The following FRRS1 variants were observed in gnomAD, a reference collection of about 807,000 sequenced individuals.
FRRS1 encodes the protein ferric chelate reductase 1.
Under a neutral mutation model 70.7 loss-of-function variants are expected in FRRS1, and 51 were observed. That is an observed-to-expected ratio of 0.72 (90% CI 0.58 to 0.91). The LOEUF (loss-of-function observed/expected upper bound fraction) is 0.91. Among genes scored for constraint, FRRS1 ranks in the 40% least tolerant of loss-of-function variants. The pLI is 0.00. For missense variants in FRRS1, 672 were observed against 726.0 expected (o/e 0.93, Z 0.86); for synonymous variants, 225 against 238.7 (o/e 0.94, Z 0.53).
intron 5 of FRRS1, among the ~76,000 whole-genome samples, chr1:99,741,340 C>A (rs10875247): frequency 0.16 from 24,772 of 152,248 alleles, 3,247 homozygotes; most frequent in African/African-American, 0.35. Context: ...ATAATAGAGG[C>A]TGCATCAGTA....
chr1:99,738,113 G>A lies in FRRS1; in HGVS notation c.732C>T (p.Ser244=), dbSNP rs1375072535. 2 of 1,613,322 alleles carry A rather than the reference G, an allele frequency of 1.2e-6. No homozygotes were observed. The highest frequency in any genetic ancestry group is 2.2e-5 in the East Asian group (1 of 44,862). ...TCCACTGATCATGAGACAATGCAAA[G>A]GATAAATAGCCTTTACTGGGGCCGC... The part of the protein sequence containing the change: ...EMSGPSKGYL[S]FALSHDQWMG... Residue 244 remains serine (S), a synonymous_variant, in exon 7 of 17, where the codon TCC becomes TCT. Transcript: ENST00000646001.
chr1:99,752,964 A>G (rs1432991079), intron 1 of FRRS1, among the ~76,000 whole-genome samples: 3 of 150,272 alleles, frequency 2.0e-5, no homozygotes, highest in East Asian at 4.0e-4. Flanking sequence ...TATTATCCCA[A>G]CACTTTGAGA....
rs1653963243 is a variant in FRRS1, at chr1:99,704,043, C to T, written c.*4985G>A. Among the ~76,000 whole-genome samples the T allele has an allele frequency of 6.6e-6, 1 of 152,196 alleles. No homozygotes were observed. The highest frequency in any genetic ancestry group is 1.5e-5 in the Non-Finnish European group (1 of 68,000). ...TCAAATATTTTTTATAAAAAGTATA[C>T]ATTTTACATGCAAAATTTATTAAGT... is the stretch of plus-strand genomic sequence containing the variant. On this transcript the variant is annotated 3_prime_UTR_variant, in exon 17 of 17. Coordinates refer to ENST00000646001, the MANE Select transcript of FRRS1 (RefSeq NM_001361041.2).
At chr1:99,712,669 G>A (rs1368820324) in intron 12 of FRRS1, among the ~76,000 whole-genome samples, 154 bp from the exon 13 acceptor site, 1 of 152,152 alleles carries the variant, frequency 6.6e-6, no homozygotes, top group Non-Finnish European at 1.5e-5. Context: ...CATTCACTGA[G>A]TATACACGTT....
At chr1:99,738,393 T>C in intron 6 of FRRS1, 125 bp from the exon 7 acceptor site, 1 of 603,950 alleles carries the variant, frequency 1.7e-6, no homozygotes, top group Non-Finnish European at 2.9e-6. Flanking sequence ...CTTTCCATAA[T>C]AAGCATTCAA....
At chr1:99,724,594 C>G (rs76229671) in intron 9 of FRRS1, among the ~76,000 whole-genome samples, 114 of 152,278 alleles carry the variant, frequency 7.5e-4, no homozygotes, top group African/African-American at 2.5e-3. Context: ...CTTACCAAGT[C>G]TTACTGCTTT....
intron 1 of FRRS1, among the ~76,000 whole-genome samples, chr1:99,763,369 T>A (rs1268615463): frequency 6.6e-6 from 1 of 152,128 alleles, no homozygotes; most frequent in Non-Finnish European, 1.5e-5. Context: ...CTCTGTACAC[T>A]ATGCTCAAAC....
At chr1:99,710,587 A>T (rs1385190381) in intron 15 of FRRS1, among the ~76,000 whole-genome samples, 1 of 152,090 alleles carries the variant, frequency 6.6e-6, no homozygotes, top group Non-Finnish European at 1.5e-5. Flanking sequence ...CCTGCCTAAA[A>T]CCTAAAACCT....
chr1:99,744,797 C>CAAA (rs1553173721), intron 4 of FRRS1, among the ~76,000 whole-genome samples: 1 of 150,050 alleles, frequency 6.7e-6, no homozygotes, highest in Non-Finnish European at 1.5e-5. Context: ...AAAATAATAA[C>CAAA]AATAATAATA....
intron 1 of FRRS1, among the ~76,000 whole-genome samples, chr1:99,750,025 T>C (rs1656494633): frequency 6.6e-6 from 1 of 152,220 alleles, no homozygotes; most frequent in South Asian, 2.1e-4. Flanking sequence ...GAAAAAATTA[T>C]TGTTTTTTAG....
In FRRS1 at chr1:99,712,096, A is replaced by G. The variant is rs1380457215; in HGVS notation, c.1480+9T>C. ...TTATATATGAATAAGTGGCATCACA[A>G]TCTCTTACCTGCTATTATTCTAGCA... On this transcript the variant is annotated intron_variant, in intron 14 of 16. Coordinates refer to ENST00000646001, the MANE Select transcript of FRRS1 (RefSeq NM_001361041.2). 1 of 1,584,984 alleles carries G rather than the reference A, an allele frequency of 6.3e-7. No homozygotes were observed. Among genetic ancestry groups the G allele is most frequent in the Non-Finnish European group, 8.6e-7 (1 of 1,158,408 alleles).
intron 9 of FRRS1, among the ~76,000 whole-genome samples, chr1:99,722,821 C>T (rs1252026972): frequency 3.9e-5 from 6 of 152,160 alleles, no homozygotes; most frequent in African/African-American, 1.4e-4. Flanking sequence ...TACCATTCTA[C>T]ATTATTCAGC....
At chr1:99,752,732 G>A (rs2100990439) in intron 1 of FRRS1, among the ~76,000 whole-genome samples, 1 of 151,858 alleles carries the variant, frequency 6.6e-6, no homozygotes, top group Admixed American at 6.5e-5. Flanking sequence ...GCAATATAAT[G>A]AGACCCCCAT....
chr1:99,708,365 T>C lies in FRRS1; in HGVS notation c.*663A>G, dbSNP rs2100892623. Among the ~76,000 whole-genome samples the C allele has an allele frequency of 6.6e-6, 1 of 151,910 alleles. No individual in the cohort carries two copies. The highest frequency in any genetic ancestry group is 2.4e-5 in the African/African-American group (1 of 41,446). On this transcript the variant is annotated 3_prime_UTR_variant, in exon 17 of 17. Coordinates refer to ENST00000646001, the MANE Select transcript of FRRS1 (RefSeq NM_001361041.2). ...CTGTAATCCCAGCACTTTGGGAAGCTGAGGCAGGCAGATCACAAGGTCAGG... is the reference window on the plus strand; with the variant it reads ...CTGTAATCCCAGCACTTTGGGAAGCCGAGGCAGGCAGATCACAAGGTCAGG...
At chr1:99,733,957 T>C (rs1655525616) in intron 7 of FRRS1, among the ~76,000 whole-genome samples, 1 of 152,176 alleles carries the variant, frequency 6.6e-6, no homozygotes, top group Admixed American at 6.5e-5. Flanking sequence ...ATAGAACAAT[T>C]GGACATTATG....
At position 99,728,602 on chromosome 1, in the gene FRRS1, A is replaced by AC; in HGVS notation, c.896dup (p.Val300CysfsTer16). 6.2e-7 allele frequency: 1 copy of AC among 1,613,852 alleles called. No homozygotes were observed. Among genetic ancestry groups the AC allele is most frequent in the Non-Finnish European group, 8.5e-7 (1 of 1,179,880 alleles). The stretch of plus-strand genomic sequence containing the variant: ...TTCTTCTGAAAGAACACTGCATAAC[A>AC]CCGTCCGCCAACCTCCAAGCCATAT... On this transcript the variant is annotated frameshift_variant, in exon 9 of 17. Transcript: ENST00000646001. LOFTEE classifies it high-confidence loss of function.
At chr1:99,717,071 C>G (rs1654565750) in intron 11 of FRRS1, among the ~76,000 whole-genome samples, 1 of 152,182 alleles carries the variant, frequency 6.6e-6, no homozygotes, top group Non-Finnish European at 1.5e-5. Flanking sequence ...TTACTCAGTA[C>G]AGTGCAGTGG....
At chr1:99,736,772 TAATAAAATAAAAATA>T (rs2100956303) in intron 7 of FRRS1, among the ~76,000 whole-genome samples, 1 of 144,082 alleles carries the variant, frequency 6.9e-6, no homozygotes, top group East Asian at 2.0e-4. Flanking sequence ...AGTGTACTAA[TAATAAAATAAAAATA>T]AATAAAATAA....
chr1:99,717,290 G>T, intron 11 of FRRS1, 120 bp downstream of exon 11: 1 of 707,014 alleles, frequency 1.4e-6, no homozygotes, highest in Non-Finnish European at 2.5e-6. Context: ...GAAAAAGGAG[G>T]ATCCCAAACC....
Sources: gnomAD v4.1 joint callset for allele counts (sites outside exome capture counted in the v4.1 genomes callset) on GRCh38, gnomAD v4.1.1 for gene constraint, MANE v1.5 for transcripts, NCBI Gene and HGNC (gene_info 2026-07-23, HGNC 2026-07-21) for gene names.